Variants in SUGCT observed in about 807,000 individuals in gnomAD.
SUGCT encodes succinyl-CoA:glutarate-CoA transferase, also known as succinyl-CoA:glutarate CoA-transferase.
In SUGCT, 41 loss-of-function variants were observed where a neutral mutation model predicts 55.0. The observed-to-expected ratio is 0.74, with a 90% CI of 0.58 to 0.97. The LOEUF is 0.97. SUGCT is among the 50% of genes least tolerant of loss of function. The pLI is 0.00. For missense variants in SUGCT, 568 were observed against 547.8 expected (o/e 1.04, Z -0.37); for synonymous variants, 187 against 200.4 (o/e 0.93, Z 0.56).
At chr7:40,903,778 T>G in the SUGCT span, among the ~76,000 whole-genome samples, 1 of 151,974 alleles carries the variant, frequency 6.6e-6, no homozygotes, top group Non-Finnish European at 1.5e-5. Flanking sequence ...AATGTTACCT[T>G]ACATCCTCCT....
chr7:40,820,635 A>G (rs1050369218), intron 13 of SUGCT, among the ~76,000 whole-genome samples: 4 of 152,180 alleles, frequency 2.6e-5, no homozygotes, highest in Admixed American at 2.0e-4. Flanking sequence ...GACTTTGCTG[A>G]AGTTGCTTAT....
At chr7:40,203,461 G>A (rs1192507988) in intron 6 of SUGCT, among the ~76,000 whole-genome samples, 3 of 152,120 alleles carry the variant, frequency 2.0e-5, no homozygotes, top group Non-Finnish European at 4.4e-5. Context: ...TGTCTTCAAA[G>A]TTTCTAACTA....
chr7:40,886,831 G>A, the SUGCT span, among the ~76,000 whole-genome samples: 36 of 152,180 alleles, frequency 2.4e-4, no homozygotes, highest in African/African-American at 8.2e-4. Context: ...TGACAGGTCC[G>A]AACTATTGGA....
intron 6 of SUGCT, among the ~76,000 whole-genome samples, chr7:40,200,393 AGG>A (rs914195656): frequency 2.0e-4 from 31 of 152,192 alleles, no homozygotes; most frequent in Admixed American, 1.8e-3. Context: ...TTAACAGAGG[AGG>A]GGTTGCATGC....
intron 9 of SUGCT, among the ~76,000 whole-genome samples, chr7:40,357,908 T>C (rs1797956500): frequency 6.6e-6 from 1 of 152,202 alleles, no homozygotes; most frequent in Non-Finnish European, 1.5e-5. Flanking sequence ...TGGCGTTGTT[T>C]GCTGACCCCT....
At chr7:40,726,807 G>C (rs187559924) in intron 12 of SUGCT, among the ~76,000 whole-genome samples, 1 of 152,136 alleles carries the variant, frequency 6.6e-6, no homozygotes. Context: ...AAGAATTTTC[G>C]TGGGAGGAAC....
At chr7:40,469,195 A>G (rs1405053003) in intron 11 of SUGCT, among the ~76,000 whole-genome samples, 1 of 152,080 alleles carries the variant, frequency 6.6e-6, no homozygotes, top group Non-Finnish European at 1.5e-5. Flanking sequence ...TCTGACTTCT[A>G]TTAATGTCTT....
At chr7:40,504,833 A>G (rs1190850671) in intron 12 of SUGCT, among the ~76,000 whole-genome samples, 1 of 152,198 alleles carries the variant, frequency 6.6e-6, no homozygotes, top group Non-Finnish European at 1.5e-5. Flanking sequence ...CCATTAATAT[A>G]AAGAGATTAT....
chr7:40,403,522 T>C (rs1302939210), intron 9 of SUGCT, among the ~76,000 whole-genome samples: 1 of 152,198 alleles, frequency 6.6e-6, no homozygotes, highest in Non-Finnish European at 1.5e-5. Flanking sequence ...GAATAAGAAC[T>C]ATCTTTTTAA....
At chr7:40,278,789 G>A (rs1792723779) in intron 8 of SUGCT, among the ~76,000 whole-genome samples, 1 of 149,654 alleles carries the variant, frequency 6.7e-6, no homozygotes, top group African/African-American at 2.5e-5. Flanking sequence ...TTCCTTATGT[G>A]GAACTAAGGT....
intron 13 of SUGCT, among the ~76,000 whole-genome samples, chr7:40,827,941 T>C (rs1030521558): frequency 3.3e-5 from 5 of 152,084 alleles, no homozygotes; most frequent in African/African-American, 1.2e-4. Flanking sequence ...TATCAGAGTC[T>C]TGAAAACCAA....
chr7:40,526,854 T>C (rs1793824505), intron 12 of SUGCT, among the ~76,000 whole-genome samples: 1 of 152,318 alleles, frequency 6.6e-6, no homozygotes, highest in Non-Finnish European at 1.5e-5. Flanking sequence ...TTTAAGGATT[T>C]GTTGGTTTTT....
At chr7:40,977,124 T>C in the SUGCT span, among the ~76,000 whole-genome samples, 1 of 152,190 alleles carries the variant, frequency 6.6e-6, no homozygotes, top group Non-Finnish European at 1.5e-5. Context: ...GAGTGTGAGA[T>C]GGAGACCTGA....
intron 1 of SUGCT, among the ~76,000 whole-genome samples, chr7:40,173,463 G>A (rs1267742143): frequency 1.3e-5 from 2 of 152,192 alleles, no homozygotes; most frequent in East Asian, 3.9e-4. Context: ...TTAATAGAGT[G>A]AAAACAGAGC....
the SUGCT span, among the ~76,000 whole-genome samples, chr7:41,025,133 T>C: frequency 2.6e-5 from 4 of 152,112 alleles, no homozygotes; most frequent in African/African-American, 4.8e-5. Flanking sequence ...ATAAAACCAT[T>C]GATAGGAAAG....
At chr7:40,411,721 T>C (rs1786705251) in intron 9 of SUGCT, among the ~76,000 whole-genome samples, 1 of 152,142 alleles carries the variant, frequency 6.6e-6, no homozygotes, top group African/African-American at 2.4e-5. Flanking sequence ...GTTGGTTGAC[T>C]ATAGTTAACA....
intron 12 of SUGCT, among the ~76,000 whole-genome samples, chr7:40,682,160 G>A (rs368448169): frequency 7.9e-5 from 12 of 151,970 alleles, no homozygotes; most frequent in African/African-American, 1.9e-4. Flanking sequence ...TCCATGCTTC[G>A]GGGTTCCCCA....
chr7:40,765,132 C>T (rs888188489), intron 13 of SUGCT, among the ~76,000 whole-genome samples: 5 of 152,092 alleles, frequency 3.3e-5, no homozygotes, highest in African/African-American at 9.7e-5. Context: ...AATTTCTCTT[C>T]ATTTGTAGTG....
chr7:40,973,669 A>G, the SUGCT span, among the ~76,000 whole-genome samples: 1 of 152,208 alleles, frequency 6.6e-6, no homozygotes, highest in African/African-American at 2.4e-5. Flanking sequence ...TGGGCATGGG[A>G]AACTCTGTTT....
Sources: allele counts gnomAD v4.1 joint callset (sites outside exome capture counted in the v4.1 genomes callset), GRCh38; gene constraint gnomAD v4.1.1; transcripts MANE v1.5; gene names NCBI Gene and HGNC (gene_info 2026-07-23, HGNC 2026-07-21).